The following GNB5 variants were observed in gnomAD, a reference collection of about 807,000 sequenced individuals.
GNB5 encodes guanine nucleotide-binding protein subunit beta-5.
GNB5 carries 37 observed loss-of-function variants against 55.3 expected under a neutral mutation model. The observed-to-expected ratio is 0.67, with a 90% CI of 0.51 to 0.88. The LOEUF is 0.88. Among genes scored for constraint, GNB5 ranks in the 40% least tolerant of loss-of-function variants. The pLI, the probability that GNB5 is intolerant of heterozygous loss-of-function variation, is 0.00. For missense variants in GNB5, 476 were observed against 515.3 expected, an observed-to-expected ratio of 0.92 and a Z score of 0.74; for synonymous variants, 219 against 198.5, an observed-to-expected ratio of 1.10 and a Z score of -0.87.
At chr15:52,149,762 G>C in intron 5 of GNB5, 122 bp downstream of exon 5, 1 of 758,498 alleles carries the variant, frequency 1.3e-6, no homozygotes. Context: ...CATCCGTAGA[G>C]GCAACTGCTT....
chr15:52,154,244 C>T (rs2034161350), intron 3 of GNB5, among the ~76,000 whole-genome samples, 168 bp from the exon 4 acceptor site: 1 of 152,230 alleles, frequency 6.6e-6, no homozygotes, highest in Non-Finnish European at 1.5e-5. Flanking sequence ...CCTAGCAGCA[C>T]TCCTTCTTTT....
At chr15:52,191,249 TG>T (rs1279573198) in intron 1 of GNB5, 72 bp downstream of exon 1, 6 of 152,236 alleles carry the variant, frequency 3.9e-5, no homozygotes, top group African/African-American at 1.4e-4. Flanking sequence ...CACTGTGCCC[TG>T]TACTCATCTG....
intron 1 of GNB5, among the ~76,000 whole-genome samples, chr15:52,190,598 C>T (rs1302235033): frequency 6.6e-6 from 1 of 151,978 alleles, no homozygotes; most frequent in African/African-American, 2.4e-5. Context: ...CCTGACAACA[C>T]AAAGTGTGGG....
In GNB5 at chr15:52,141,256, A is replaced by G; in HGVS notation, c.511T>C (p.Cys171Arg). The G allele has an allele frequency of 6.2e-7, 1 of 1,613,898 alleles. No individual in the cohort carries two copies. Among genetic ancestry groups the G allele is most frequent in the East Asian group, 2.2e-5 (1 of 44,888 alleles). ...AIACGGLDNK[C>R]SVYPLTFDKN... ...TCAAACGTCAAGGGGTACACAGAAC[A>G]CTTATTATCCAAACCACTAGGATGG... The change falls in exon 7 of 13, where the codon TGT becomes CGT. Residue 171 changes from cysteine to arginine, a missense_variant. Physicochemically the swap from Cys to Arg is radical, Grantham distance 180. Transcript: ENST00000261837.
At chr15:52,185,898 C>G (rs575772460) in intron 1 of GNB5, among the ~76,000 whole-genome samples, 92 of 152,116 alleles carry the variant, frequency 6.0e-4, no homozygotes, top group African/African-American at 2.1e-3. Flanking sequence ...CCTGCCTCAG[C>G]CTCCCAAGTA....
chr15:52,174,942 C>T (rs753046190), intron 3 of GNB5, among the ~76,000 whole-genome samples: 66 of 152,098 alleles, frequency 4.3e-4, no homozygotes, highest in Non-Finnish European at 5.0e-4. Context: ...ATTAGCTGGG[C>T]GAGATGGTGT....
At chr15:52,146,998 G>C (rs1328687262) in intron 6 of GNB5, among the ~76,000 whole-genome samples, 2 of 152,068 alleles carry the variant, frequency 1.3e-5, no homozygotes, top group East Asian at 3.8e-4. Flanking sequence ...CAGATCAAAG[G>C]CTATCCATTT....
At chr15:52,181,762 C>T (rs972462306) in intron 2 of GNB5, among the ~76,000 whole-genome samples, 4 of 152,186 alleles carry the variant, frequency 2.6e-5, no homozygotes, top group African/African-American at 9.7e-5. Context: ...TTACTTGTCG[C>T]TGTTCCTTAG....
intron 9 of GNB5, among the ~76,000 whole-genome samples, chr15:52,130,552 C>T (rs1204753182): frequency 6.6e-6 from 1 of 152,226 alleles, no homozygotes; most frequent in Non-Finnish European, 1.5e-5. Flanking sequence ...TCTTTTATTT[C>T]TGCCATTAAG....
chr15:52,155,540 T>G (rs1357341236), intron 3 of GNB5, among the ~76,000 whole-genome samples: 2 of 152,234 alleles, frequency 1.3e-5, no homozygotes, highest in Non-Finnish European at 2.9e-5. Flanking sequence ...ATCTACAGAC[T>G]TATTGAGATA....
chr15:52,133,379 G>A lies in GNB5; in HGVS notation c.862C>T (p.Arg288Trp), dbSNP rs34370115. ...GGCATGAACATTCTACTCACTGACC[G>A]GACACTGTTGATGTCAGATTCATGT... ...ETHESDINSVRYYPSGDAFAS... is the reference protein window; with the variant it reads ...ETHESDINSVWYYPSGDAFAS... Residue 288 changes from arginine (R) to tryptophan (W), a missense_variant and splice_region_variant, in exon 9 of 13, where the codon CGG becomes TGG. By Grantham distance (101) the Arg-to-Trp change is moderately radical (BLOSUM62 -3). Coordinates refer to ENST00000261837, the MANE Select transcript of GNB5 (RefSeq NM_016194.4). 42 of 1,587,988 alleles carry A rather than the reference G, an allele frequency of 2.6e-5. No homozygotes were observed. Among genetic ancestry groups the A allele is most frequent in the Non-Finnish European group, 3.5e-5 (40 of 1,156,348 alleles).
At chr15:52,164,261 T>C (rs2034403204) in intron 3 of GNB5, among the ~76,000 whole-genome samples, 1 of 127,298 alleles carries the variant, frequency 7.9e-6, no homozygotes. Context: ...TGAGCCGAGA[T>C]GGTGCCATTG....
intron 6 of GNB5, chr15:52,143,913 C>T (rs1022106576): frequency 2.0e-5 from 3 of 152,240 alleles, no homozygotes; most frequent in Non-Finnish European, 4.4e-5. Context: ...GACGCTCTCT[C>T]ATCCACTAGA....
intron 7 of GNB5, chr15:52,137,071 TA>T: frequency 2.0e-6 from 1 of 506,224 alleles, no homozygotes. Context: ...AGACCCACCT[TA>T]AAATCACCAA....
chr15:52,136,472 C>T (rs1170552451), intron 7 of GNB5, among the ~76,000 whole-genome samples: 1 of 152,156 alleles, frequency 6.6e-6, no homozygotes, highest in Non-Finnish European at 1.5e-5. Context: ...GGGCTGCTTG[C>T]TAATAGAGTC....
intron 1 of GNB5, among the ~76,000 whole-genome samples, chr15:52,190,407 G>A (rs1160645031): frequency 1.3e-5 from 2 of 152,022 alleles, no homozygotes; most frequent in East Asian, 1.9e-4. Flanking sequence ...ATGAGCCACC[G>A]CGCCCAGCCC....
At position 52,166,718 on chromosome 15, in the gene GNB5, A is replaced by G. The variant is rs571180777; in HGVS notation, c.239-12642T>C. On this transcript the variant is annotated intron_variant, in intron 3 of 12. Transcript: ENST00000261837. Reference sequence around the variant, plus strand: ...AGGGAAATTTTAGCACTAAATGTCTATATTAGAAAGCTAGAAAGATCTCAA... The same window carrying G: ...AGGGAAATTTTAGCACTAAATGTCTGTATTAGAAAGCTAGAAAGATCTCAA... Among the ~76,000 whole-genome samples the G allele has an allele frequency of 4.6e-5, 7 of 152,304 alleles. No individual in the cohort carries two copies. The East Asian group carries it at 9.6e-4, about 21-fold the overall frequency.
chr15:52,146,893 C>T (rs910780737), intron 6 of GNB5, among the ~76,000 whole-genome samples: 8 of 151,876 alleles, frequency 5.3e-5, no homozygotes, highest in African/African-American at 1.7e-4. Context: ...CTTTTTGCTT[C>T]ATTTTTAAAA....
intron 10 of GNB5, among the ~76,000 whole-genome samples, chr15:52,126,798 T>C (rs1034320905): frequency 1.2e-4 from 19 of 152,114 alleles, no homozygotes; most frequent in East Asian, 7.7e-4. Context: ...AGATGTTTTA[T>C]TGTATATTTT....
Sources: gnomAD v4.1 joint callset for allele counts (sites outside exome capture counted in the v4.1 genomes callset) on GRCh38, gnomAD v4.1.1 for gene constraint, MANE v1.5 for transcripts, NCBI Gene and HGNC (gene_info 2026-07-23, HGNC 2026-07-21) for gene names.